TINF2: variants seen among roughly 807,000 people sequenced by gnomAD.
TINF2 encodes TERF1 interacting nuclear factor 2.
TINF2 carries 27 observed loss-of-function variants against 50.4 expected under a neutral mutation model. The ratio of observed to expected loss-of-function variants is 0.54; its 90% CI spans 0.40 to 0.74. TINF2 has a LOEUF of 0.74. TINF2 is among the 30% of genes least tolerant of loss of function. TINF2 has a pLI of 0.00. For synonymous variants in TINF2, 223 were observed against 214.6 expected (o/e 1.04, Z -0.34); for missense variants, 496 against 551.5 (o/e 0.90, Z 1.01).
At position 24,240,812 on chromosome 14, in the gene TINF2, T is replaced by C. The variant is rs769349633; in HGVS notation, c.668A>G (p.Gln223Arg). The change falls in exon 6 of 9, where the codon CAA (glutamine) becomes CGA (arginine). Residue 223 changes from glutamine (Q) to arginine (R), a missense_variant. By Grantham distance (43) the Gln-to-Arg change is conservative (BLOSUM62 1). Around this residue, in one of 3 missense-constraint regions of TINF2, gnomAD observed 314 missense variants for 343.8 expected, o/e 0.91. Coordinates refer to ENST00000267415, the MANE Select transcript of TINF2 (RefSeq NM_001099274.3). ...CAGGGGATTGTGGAGTGCTAGTCTTTGTTGCTGAGGAGGATTCTGTTCCAT... is the reference window on the plus strand; with the variant it reads ...CAGGGGATTGTGGAGTGCTAGTCTTCGTTGCTGAGGAGGATTCTGTTCCAT... Reference protein sequence around the residue: ...EPMEQNPPQQQRLALHNPLPK... With the variant: ...EPMEQNPPQQRRLALHNPLPK... 1 of 1,613,982 alleles carries C rather than the reference T, an allele frequency of 6.2e-7. No homozygotes were observed. Among genetic ancestry groups the C allele is most frequent in the Non-Finnish European group, 8.5e-7 (1 of 1,180,020 alleles).
In TINF2 at chr14:24,241,256, A is replaced by G; in HGVS notation, c.455T>C (p.Phe152Ser). The change falls in exon 4 of 9, where the codon TTT becomes TCT. Residue 152 changes from phenylalanine to serine, a missense_variant. Around this residue, in one of 3 missense-constraint regions of TINF2, gnomAD observed 314 missense variants for 343.8 expected, o/e 0.91. Transcript: ENST00000267415. ...TTTCTCCAGCTGACACAAGTACTCA[A>G]AAAGCAGCTTTTCCATGGCAGCCAG... ...PFLAAMEKLL[F>S]EYLCQLEKAL... The G allele has an allele frequency of 1.2e-6, 2 of 1,614,188 alleles. No homozygotes were observed. The highest frequency in any genetic ancestry group is 1.7e-6 in the Non-Finnish European group (2 of 1,180,042).
chr14:24,241,960 C>A lies in TINF2; in HGVS notation c.227G>T (p.Trp76Leu). 6.2e-7 allele frequency: 1 copy of A among 1,614,208 alleles called. No homozygotes were observed. Among genetic ancestry groups the A allele is most frequent in the Non-Finnish European group, 8.5e-7 (1 of 1,180,028 alleles). Residue 76 changes from tryptophan to leucine, a missense_variant, in exon 2 of 9, where the codon TGG (tryptophan) becomes TTG (leucine). This residue lies in a region of TINF2 where 314 missense variants were observed against 343.8 expected (regional missense o/e 0.91). Transcript: ENST00000267415. ...ATTCAGGGCTTTCAGGACTTGGGCC[C>A]AAGGCCGGCCCTGCAGGATCAGCTC... ...VVELILQGRP[W>L]AQVLKALNHH... is the part of the protein sequence containing the mutation.
Position 24,242,422 on chromosome 14 carries a change from G to A in TINF2, c.-90C>T. Reference sequence around the variant, plus strand: ...GATCACTCCTAGGGGCGGGGCTTCTGGCAACTCCCTGTCGCTCCGGTCTGT... The same window carrying A: ...GATCACTCCTAGGGGCGGGGCTTCTAGCAACTCCCTGTCGCTCCGGTCTGT... On this transcript the variant is annotated 5_prime_UTR_variant, in exon 1 of 9. An upstream open reading frame in the 5' UTR gains an earlier in-frame stop. Transcript: ENST00000267415. 6.7e-7 allele frequency: 1 copy of A among 1,489,192 alleles called. No homozygotes were observed. The highest frequency in any genetic ancestry group is 8.9e-7 in the Non-Finnish European group (1 of 1,126,380). The allele number at this position is 1,489,192 out of a possible 1,614,324, so 92.2% of individuals were successfully genotyped here.
In TINF2 at chr14:24,239,999, CAT is replaced by C. The variant is rs752941769; in HGVS notation, c.1221+63_1221+64del. The C allele has an allele frequency of 2.5e-6, 4 of 1,614,066 alleles. No individual in the cohort carries two copies. In the African/African-American group the frequency reaches 4.0e-5, roughly 16 times the overall value. On this transcript the variant is annotated intron_variant, in intron 8 of 8. Transcript: ENST00000267415. ...TCCCTGAACCCTCTGAATTCTGAAG[CAT>C]GTGGATTTCTCAGTCTTGTTCTACC...
rs756029660 is a variant in TINF2 at position 24,240,469 on chromosome 14, T to TC, written c.1010dup (p.Arg338LysfsTer9). The TC allele has an allele frequency of 4.3e-6, 7 of 1,614,018 alleles. No individual in the cohort carries two copies. The Admixed American group carries it at 1.0e-4, about 23-fold the overall frequency. The stretch of plus-strand genomic sequence containing the variant: ...CAACTGGGTTCTCCTTCAGAGCCCT[T>TC]CCCCCCAGGGTCTGGCATGGACTCT... On this transcript the variant is annotated frameshift_variant, in exon 6 of 9. Transcript: ENST00000267415. LOFTEE classifies it high-confidence loss of function.
chr14:24,241,144 C>A (rs367706051), intron 4 of TINF2, 28 bp from the exon 5 acceptor site: 26 of 1,614,038 alleles, frequency 1.6e-5, no homozygotes, highest in Non-Finnish European at 2.2e-5. Context: ...GGTATGAAGA[C>A]CACAATCCTT....
Position 24,241,967 on chromosome 14 carries a change from G to C in TINF2, c.220C>G (p.Arg74Gly). 6.2e-7 allele frequency: 1 copy of C among 1,614,220 alleles called. No individual in the cohort carries two copies. The highest frequency in any genetic ancestry group is 8.5e-7 in the Non-Finnish European group (1 of 1,180,036). The change falls in exon 2 of 9, where the codon CGG (arginine) becomes GGG (glycine). Residue 74 changes from arginine to glycine, a missense_variant. Arg to Gly is a moderately radical substitution (Grantham distance 125). This residue lies in a region of TINF2 where 314 missense variants were observed against 343.8 expected (regional missense o/e 0.91). Transcript: ENST00000267415. ...KVVVELILQG[R>G]PWAQVLKALN... ...GCTTTCAGGACTTGGGCCCAAGGCC[G>C]GCCCTGCAGGATCAGCTCCACCACC... is the stretch of plus-strand genomic sequence containing the variant.
In TINF2 at chr14:24,239,817, C is replaced by G. The variant is rs761148960; in HGVS notation, c.1336G>C (p.Asp446His). 6.2e-7 allele frequency: 1 copy of G among 1,614,180 alleles called. No individual in the cohort carries two copies. The highest frequency in any genetic ancestry group is 2.2e-5 in the East Asian group (1 of 44,886). ...AIPVSSCDCR[D>H]SSRPL Reference sequence around the variant, plus strand: ...TTCTATCACAAAGGTCTAGAACTGTCTCTACAGTCACAGGAAGAAACAGGT... The same window carrying G: ...TTCTATCACAAAGGTCTAGAACTGTGTCTACAGTCACAGGAAGAAACAGGT... Residue 446 changes from aspartate (D) to histidine (H), a missense_variant, in exon 9 of 9, where the codon GAC becomes CAC. Asp to His is a moderately conservative substitution (Grantham distance 81). This residue lies in a region of TINF2 where 179 missense variants were observed against 188.3 expected (regional missense o/e 0.95). Transcript: ENST00000267415.
At position 24,241,126 on chromosome 14, in the gene TINF2, G is replaced by A. The variant is rs1594553063; in HGVS notation, c.508-10C>T. On this transcript the variant is annotated splice_polypyrimidine_tract_variant and intron_variant, in intron 4 of 8. Transcript: ENST00000267415. ...TCAGCACATCCTGAAGCTGTGGGCA[G>A]GGACAGAGGTATGAAGACCACAATC... is the stretch of plus-strand genomic sequence containing the variant. 1 of 1,614,076 alleles carries A rather than the reference G, an allele frequency of 6.2e-7. No individual in the cohort carries two copies. Among genetic ancestry groups the A allele is most frequent in the African/African-American group, 1.3e-5 (1 of 74,912 alleles).
upstream of TINF2, chr14:24,242,635 C>T: frequency 8.1e-7 from 1 of 1,231,006 alleles, no homozygotes; most frequent in Non-Finnish European, 1.0e-6. Context: ...CTTCCGGCTC[C>T]GCTACTAGCT....
At position 24,240,895 on chromosome 14, in the gene TINF2, C is replaced by T. The variant is rs776808757; in HGVS notation, c.605-20G>A. 7.4e-6 allele frequency: 12 copies of T among 1,613,894 alleles called. No individual in the cohort carries two copies. In the African/African-American group the frequency reaches 1.5e-4, roughly 20 times the overall value. On this transcript the variant is annotated intron_variant, in intron 5 of 8. Coordinates refer to ENST00000267415, the MANE Select transcript of TINF2 (RefSeq NM_001099274.3). ...AGCACTCTGAAAAAGAAAATGAGGC[C>T]CCTTATAAAGAGAACAGATAGTAAC...
Position 24,242,274 on chromosome 14 carries a change from C to T in TINF2, c.59G>A (p.Trp20Ter). 6.2e-7 allele frequency: 1 copy of T among 1,614,056 alleles called. No homozygotes were observed. The highest frequency in any genetic ancestry group is 8.5e-7 in the Non-Finnish European group (1 of 1,180,028). Reference sequence around the variant, plus strand: ...CACGCAGCGTCCGCGCACAACCTGCCAGCTAGCCGCGGCGGCGAAGCGTAG... The same window carrying T: ...CACGCAGCGTCCGCGCACAACCTGCTAGCTAGCCGCGGCGGCGAAGCGTAG... ...AALRFAAAAS[W>*]QVVRGRCVEH... Residue 20 changes from tryptophan (W) to a stop codon, truncating the protein, a stop_gained, in exon 1 of 9, where the codon TGG (tryptophan) becomes TAG (stop). Transcript: ENST00000267415. LOFTEE classifies it high-confidence loss of function.
In TINF2 at chr14:24,240,069, C is replaced by T. The variant is rs1321282040; in HGVS notation, c.1216G>A (p.Gly406Arg). 5.6e-6 allele frequency: 9 copies of T among 1,614,032 alleles called. No homozygotes were observed. Among genetic ancestry groups the T allele is most frequent in the African/African-American group, 1.3e-5 (1 of 74,908 alleles). ...SDEEENGQGE[G>R]KESLENYQKT... is the part of the protein sequence containing the mutation. ...TTCTGCTCCTTCCCACTCACCTTTC[C>T]TTCCCCCTGGCCATTTTCTTCCTCA... Residue 406 changes from glycine to arginine, a missense_variant, in exon 8 of 9, where the codon GGA (glycine) becomes AGA (arginine). Around this residue, in one of 3 missense-constraint regions of TINF2, gnomAD observed 179 missense variants for 188.3 expected, o/e 0.95. Coordinates refer to ENST00000267415, the MANE Select transcript of TINF2 (RefSeq NM_001099274.3).
Position 24,242,383 on chromosome 14 carries a change from G to A in TINF2, c.-51C>T. 6.3e-7 allele frequency: 1 copy of A among 1,588,246 alleles called. No homozygotes were observed. The highest frequency in any genetic ancestry group is 8.5e-7 in the Non-Finnish European group (1 of 1,170,568). On this transcript the variant is annotated 5_prime_UTR_variant, in exon 1 of 9. Transcript: ENST00000267415. Reference sequence around the variant, plus strand: ...GTCCCTCCGGGTTCCTCACCCGGATGGGTGAGGCTTTCCGATCACTCCTAG... The same window carrying A: ...GTCCCTCCGGGTTCCTCACCCGGATAGGTGAGGCTTTCCGATCACTCCTAG...
rs2040536401 is a variant in TINF2 at position 24,240,122 on chromosome 14, G to A, written c.1163C>T (p.Thr388Ile). ...AGAGTCTAAAACCAAGTCCCCTATG[G>A]TAATGACGGAGCTGCACAGAGACGG... Reference protein sequence around the residue: ...CPPSLCSSVITIGDLVLDSDE... With the variant: ...CPPSLCSSVIIIGDLVLDSDE... Residue 388 changes from threonine (T) to isoleucine (I), a missense_variant, in exon 8 of 9, where the codon ACC (threonine) becomes ATC (isoleucine). Coordinates refer to ENST00000267415, the MANE Select transcript of TINF2 (RefSeq NM_001099274.3). The A allele has an allele frequency of 6.2e-7, 1 of 1,613,834 alleles. No homozygotes were observed. The highest frequency in any genetic ancestry group is 1.3e-5 in the African/African-American group (1 of 74,832).
At position 24,241,019 on chromosome 14, in the gene TINF2, C is replaced by A; in HGVS notation, c.604+1G>T. On this transcript the variant is annotated splice_donor_variant, in intron 5 of 8. Coordinates refer to ENST00000267415, the MANE Select transcript of TINF2 (RefSeq NM_001099274.3). LOFTEE classifies it high-confidence loss of function. ...ACACTACACCTCCAAATTCCTAGTA[C>A]CTGGAAGCAGCCACCCCATGTCCAC... is the stretch of plus-strand genomic sequence containing the variant. The A allele has an allele frequency of 6.2e-7, 1 of 1,614,172 alleles. No homozygotes were observed. Among genetic ancestry groups the A allele is most frequent in the Non-Finnish European group, 8.5e-7 (1 of 1,180,020 alleles).
In TINF2 at chr14:24,242,604, C is replaced by T; in HGVS notation, c.-272G>A. 7.7e-7 allele frequency: 1 copy of T among 1,303,234 alleles called. No individual in the cohort carries two copies. Among genetic ancestry groups the T allele is most frequent in the South Asian group, 1.8e-5 (1 of 55,464 alleles). 80.7% of individuals were successfully genotyped at this position (1,303,234 alleles called of 1,614,324 possible). A position where few individuals can be genotyped will look rare whatever the true frequency, so the allele number is the denominator to read the frequency against. On this transcript the variant is annotated 5_prime_UTR_variant, in exon 1 of 9. Coordinates refer to ENST00000267415, the MANE Select transcript of TINF2 (RefSeq NM_001099274.3). ...GCTCAGCTTTAAACGTCGCCGCTGT[C>T]TCGAGCCCGAGGGTGCCTCACTTCC...
chr14:24,241,804 T>G (rs2040585713), intron 2 of TINF2, 28 bp from the exon 3 acceptor site: 1 of 1,613,372 alleles, frequency 6.2e-7, no homozygotes. Context: ...GACAGAGAAG[T>G]TAGCACCAAC....
intron 7 of TINF2, 40 bp from the exon 8 acceptor site, chr14:24,240,195 T>A (rs778234679): frequency 6.2e-7 from 1 of 1,614,054 alleles, no homozygotes; most frequent in Non-Finnish European, 8.5e-7. Context: ...TACTTCTAGA[T>A]GAACACAGGC....
Sources: gnomAD v4.1 joint callset for allele counts on GRCh38, gnomAD v4.1.1 for gene constraint, gnomAD v4.1.1 regional missense constraint, MANE v1.5 for transcripts, NCBI Gene and HGNC (gene_info 2026-07-23, HGNC 2026-07-21) for gene names.